Variants in ARHGEF17 observed in about 807,000 individuals in gnomAD.
The protein encoded by ARHGEF17 is 164 kDa Rho-specific guanine-nucleotide exchange factor.
A neutral mutation model predicts 174.0 loss-of-function variants in ARHGEF17; 80 were observed. The ratio of observed to expected loss-of-function variants is 0.46; its 90% CI spans 0.38 to 0.55. The LOEUF (loss-of-function observed/expected upper bound fraction) is 0.55. ARHGEF17 is among the 20% of genes least tolerant of loss of function. The pLI is 0.00. For synonymous variants in ARHGEF17, 1,311 were observed against 1,189.1 expected, an observed-to-expected ratio of 1.10 and a Z score of -2.11; for missense variants, 2,886 against 2,839.7, an observed-to-expected ratio of 1.02 and a Z score of -0.37.
intron 1 of ARHGEF17, among the ~76,000 whole-genome samples, chr11:73,342,423 A>G (rs886299244): frequency 2.0e-5 from 3 of 152,136 alleles, no homozygotes; most frequent in South Asian, 2.1e-4. Flanking sequence ...GAGCCTGGAC[A>G]TATGTGCCTG....
At chr11:73,356,433 AC>A in intron 6 of ARHGEF17, 82 bp downstream of exon 6, 1 of 1,306,080 alleles carries the variant, frequency 7.7e-7, no homozygotes, top group Non-Finnish European at 9.9e-7. Context: ...ATCTGTGGCC[AC>A]CTGGAATCGT....
chr11:73,335,283 A>G (rs1157248250), intron 1 of ARHGEF17, among the ~76,000 whole-genome samples: 2 of 152,250 alleles, frequency 1.3e-5, no homozygotes, highest in East Asian at 3.9e-4. Context: ...GACCCAGAAG[A>G]TCTGGGTTCT....
At chr11:73,361,314 G>A (rs958085273) in intron 12 of ARHGEF17, among the ~76,000 whole-genome samples, 153 bp downstream of exon 12, 3 of 152,194 alleles carry the variant, frequency 2.0e-5, no homozygotes, top group African/African-American at 7.2e-5. Flanking sequence ...TGTGGGTGCT[G>A]CATATGTATT....
Position 73,309,864 on chromosome 11 carries a change from G to C in ARHGEF17, c.1226G>C (p.Gly409Ala). The part of the protein sequence containing the change: ...LKDDDLWSSR[G>A]SGGWGVYRSP... ...GACGACGACCTATGGTCTAGTAGGGGTTCTGGGGGCTGGGGCGTGTACCGC... is the reference window on the plus strand; with the variant it reads ...GACGACGACCTATGGTCTAGTAGGGCTTCTGGGGGCTGGGGCGTGTACCGC... The change falls in exon 1 of 21, where the codon GGT becomes GCT. Residue 409 changes from glycine to alanine, a missense_variant. This residue lies in a region of ARHGEF17 where 1,728 missense variants were observed against 1,461.2 expected (regional missense o/e 1.18). Transcript: ENST00000263674. 6.2e-7 allele frequency: 1 copy of C among 1,613,250 alleles called. No homozygotes were observed. Among genetic ancestry groups the C allele is most frequent in the Non-Finnish European group, 8.5e-7 (1 of 1,180,018 alleles).
intron 1 of ARHGEF17, among the ~76,000 whole-genome samples, chr11:73,323,165 G>A (rs993854624): frequency 6.6e-6 from 1 of 152,152 alleles, no homozygotes; most frequent in Admixed American, 6.5e-5. Context: ...GAGCCCCAGA[G>A]CTCCAGGCCA....
At chr11:73,355,490 G>A (rs751666439) in intron 3 of ARHGEF17, 43 bp from the exon 4 acceptor site, 1 of 1,356,752 alleles carries the variant, frequency 7.4e-7, no homozygotes, top group Non-Finnish European at 1.1e-6. Context: ...GAGGTGGGGT[G>A]AGGGACACCT....
At chr11:73,330,255 A>T (rs1211909909) in intron 1 of ARHGEF17, among the ~76,000 whole-genome samples, 1 of 152,158 alleles carries the variant, frequency 6.6e-6, no homozygotes. Context: ...ACTATGCAGA[A>T]GGTTTTGTTG....
chr11:73,343,263 C>G (rs1015409335), intron 1 of ARHGEF17: 2 of 398,472 alleles, frequency 5.0e-6, no homozygotes, highest in East Asian at 3.6e-5. Flanking sequence ...CGCCGAGGAG[C>G]CTGGGGAGGC....
At position 73,308,840 on chromosome 11, in the gene ARHGEF17, G is replaced by C; in HGVS notation, c.202G>C (p.Ala68Pro). ...CAAGCTGGCGTCTGGGCCCCTGGCC[G>C]CCCCCGCGCAGCCGCGCCCGCTCCG... ...VSKLASGPLA[A>P]PAQPRPLRSL... The change falls in exon 1 of 21, where the codon GCC becomes CCC. Residue 68 changes from alanine (A) to proline (P), a missense_variant. Ala to Pro is a conservative substitution (Grantham distance 27). Around this residue, in one of 4 missense-constraint regions of ARHGEF17, gnomAD observed 1,728 missense variants for 1,461.2 expected, o/e 1.18. Transcript: ENST00000263674. The C allele has an allele frequency of 7.5e-7, 1 of 1,335,030 alleles. No homozygotes were observed. Among genetic ancestry groups the C allele is most frequent in the Non-Finnish European group, 9.5e-7 (1 of 1,049,398 alleles). 82.7% of individuals were successfully genotyped at this position (1,335,030 alleles called of 1,614,324 possible).
At position 73,362,676 on chromosome 11, in the gene ARHGEF17, C is replaced by T. The variant is rs754856089; in HGVS notation, c.4938C>T (p.Ser1646=). Residue 1646 remains serine, a synonymous_variant, in exon 14 of 21, where the codon AGC becomes AGT. Transcript: ENST00000263674. ...DSDSDDESSP[S]PSGTLQSQAS... is the part of the protein sequence containing the mutation. ...ACTCTGACGATGAGTCTTCGCCCAG[C>T]CCCTCGGGGACGCTGCAGAGCCAGG... 22 of 1,610,746 alleles carry T rather than the reference C, an allele frequency of 1.4e-5. No individual in the cohort carries two copies. In the South Asian group the frequency reaches 2.2e-4, roughly 16 times the overall value.
chr11:73,339,553 C>T (rs547756758), intron 1 of ARHGEF17, among the ~76,000 whole-genome samples: 1 of 152,256 alleles, frequency 6.6e-6, no homozygotes, highest in East Asian at 1.9e-4. Flanking sequence ...CCAGGTGGCC[C>T]CCAGGTGGAC....
chr11:73,358,658 G>T (rs879350346), intron 9 of ARHGEF17, among the ~76,000 whole-genome samples: 3 of 151,424 alleles, frequency 2.0e-5, no homozygotes, highest in Non-Finnish European at 4.4e-5. Context: ...TAGAGATGGG[G>T]TTTCACCATG....
Position 73,352,854 on chromosome 11 carries a change from C to T in ARHGEF17, c.3295C>T (p.Pro1099Ser). 1 of 1,614,050 alleles carries T rather than the reference C, an allele frequency of 6.2e-7. No individual in the cohort carries two copies. Among genetic ancestry groups the T allele is most frequent in the South Asian group, 1.1e-5 (1 of 91,088 alleles). The change falls in exon 3 of 21, where the codon CCA (proline) becomes TCA (serine). Residue 1099 changes from proline to serine, a missense_variant. Coordinates refer to ENST00000263674, the MANE Select transcript of ARHGEF17 (RefSeq NM_014786.4). ...MQGYMQPLKQ[P>S]ENSVLCDPSL... ...GGGCTACATGCAGCCGCTGAAGCAG[C>T]CAGAGAACTCCGTGCTCTGTGACCC...
At chr11:73,337,403 CAA>C (rs1437673724) in intron 1 of ARHGEF17, among the ~76,000 whole-genome samples, 1 of 71,880 alleles carries the variant, frequency 1.4e-5, no homozygotes, top group African/African-American at 5.5e-5. Context: ...GACCCTGTCT[CAA>C]GAAAAAAAAA....
chr11:73,326,744 GAATA>G (rs1865108216), intron 1 of ARHGEF17, among the ~76,000 whole-genome samples: 1 of 152,066 alleles, frequency 6.6e-6, no homozygotes, highest in Non-Finnish European at 1.5e-5. Flanking sequence ...ATAAATAAAT[GAATA>G]AAAATAAAAA....
intron 2 of ARHGEF17, 133 bp downstream of exon 2, chr11:73,347,093 TC>T: frequency 1.1e-6 from 1 of 889,196 alleles, no homozygotes; most frequent in Non-Finnish European, 1.8e-6. Context: ...CCGTCGCCTT[TC>T]CATGAAGAAC....
chr11:73,318,317 G>A (rs908336924), intron 1 of ARHGEF17, among the ~76,000 whole-genome samples: 3 of 152,118 alleles, frequency 2.0e-5, no homozygotes, highest in African/African-American at 4.8e-5. Context: ...GTCCAGAAGT[G>A]TGATGTTGCA....
intron 1 of ARHGEF17, among the ~76,000 whole-genome samples, chr11:73,336,819 A>G (rs1239641671): frequency 1.3e-5 from 2 of 152,200 alleles, no homozygotes; most frequent in East Asian, 3.8e-4. Context: ...CCTTGAAGGC[A>G]TCCTCACTCA....
At chr11:73,366,118 GTT>G (rs1491521088) in intron 20 of ARHGEF17, among the ~76,000 whole-genome samples, 171 bp downstream of exon 20, 1 of 149,914 alleles carries the variant, frequency 6.7e-6, no homozygotes, top group African/African-American at 2.4e-5. Flanking sequence ...ATCTAGGATA[GTT>G]GTGTGTGTGT....
Sources: gnomAD v4.1 joint callset for allele counts (sites outside exome capture counted in the v4.1 genomes callset) on GRCh38, gnomAD v4.1.1 for gene constraint, gnomAD v4.1.1 regional missense constraint, MANE v1.5 for transcripts, NCBI Gene and HGNC (gene_info 2026-07-23, HGNC 2026-07-21) for gene names.